The following ASCC2 variants were observed in gnomAD, a reference collection of about 807,000 sequenced individuals.
ASCC2 encodes activating signal cointegrator 1 complex subunit 2.
ASCC2 carries 42 observed loss-of-function variants against 93.5 expected under a neutral mutation model. That is an observed-to-expected ratio of 0.45 (90% CI 0.35 to 0.58). ASCC2 has a LOEUF of 0.58. Ranked by LOEUF, ASCC2 falls within the 20% of genes least tolerant of loss-of-function variation. The pLI is 0.00. For missense variants in ASCC2, 859 were observed against 977.6 expected (o/e 0.88, Z 1.62); for synonymous variants, 364 against 384.2 (o/e 0.95, Z 0.62).
intron 2 of ASCC2, among the ~76,000 whole-genome samples, chr22:29,827,756 C>CAACACACACACA (rs1568952571): frequency 4.9e-4 from 34 of 69,618 alleles, no homozygotes; most frequent in African/African-American, 1.7e-3. Flanking sequence ...CTCATTCTCC[C>CAACACACACACA]GACACACACA....
At chr22:29,793,255 G>T (rs2057998666) in intron 17 of ASCC2, 105 bp downstream of exon 17, 3 of 1,506,166 alleles carry the variant, frequency 2.0e-6, no homozygotes, top group Non-Finnish European at 2.7e-6. Flanking sequence ...GGAGGACTGG[G>T]TTTGGGCCCT....
intron 2 of ASCC2, among the ~76,000 whole-genome samples, chr22:29,829,021 C>T (rs920224394): frequency 4.6e-5 from 7 of 151,860 alleles, no homozygotes; most frequent in African/African-American, 1.7e-4. Context: ...ATCAAAAATA[C>T]AAAACTTAGC....
intron 1 of ASCC2, chr22:29,834,489 C>T (rs1380222682): frequency 2.1e-6 from 1 of 470,930 alleles, no homozygotes; most frequent in East Asian, 6.9e-5. Context: ...TCCTTGACAC[C>T]TGTTCCAGCT....
At chr22:29,799,592 C>T (rs1179758683) in intron 15 of ASCC2, among the ~76,000 whole-genome samples, 1 of 152,210 alleles carries the variant, frequency 6.6e-6, no homozygotes, top group Non-Finnish European at 1.5e-5. Flanking sequence ...CTGAACCTCA[C>T]GGTCCCCATT....
chr22:29,790,510 C>G lies in ASCC2; in HGVS notation c.2061G>C (p.Glu687Asp). 6.2e-7 allele frequency: 1 copy of G among 1,614,172 alleles called. No homozygotes were observed. Among genetic ancestry groups the G allele is most frequent in the Non-Finnish European group, 8.5e-7 (1 of 1,180,032 alleles). ...AGGCCATGCGCCTGGCTTCTGCCTT[C>G]TCTCTCAGCACTGCAGGGTCCTGAA... is the stretch of plus-strand genomic sequence containing the variant. The part of the protein sequence containing the change: ...HFVQDPAVLR[E>D]KAEARRMAFL... Residue 687 changes from glutamate to aspartate, a missense_variant, in exon 19 of 20, where the codon GAG becomes GAC. Glu to Asp is a conservative substitution (Grantham distance 45). Transcript: ENST00000307790.
intron 2 of ASCC2, chr22:29,826,035 C>T: frequency 2.6e-6 from 1 of 388,204 alleles, no homozygotes; most frequent in South Asian, 5.3e-5. Flanking sequence ...AAGCAGGATA[C>T]AAAACTCTCT....
intron 15 of ASCC2, among the ~76,000 whole-genome samples, chr22:29,794,267 G>T (rs2058143660): frequency 6.6e-6 from 1 of 151,878 alleles, no homozygotes. Context: ...GCCGAGGCGG[G>T]TGGATCACAA....
intron 2 of ASCC2, 112 bp downstream of exon 2, chr22:29,832,133 G>A (rs757432408): frequency 5.6e-4 from 513 of 910,674 alleles, no homozygotes; most frequent in Non-Finnish European, 7.8e-4. Context: ...CTGAATCACC[G>A]ACCATGGCCC....
chr22:29,804,121 G>GA (rs2059407424), intron 13 of ASCC2, among the ~76,000 whole-genome samples: 1 of 152,226 alleles, frequency 6.6e-6, no homozygotes, highest in South Asian at 2.1e-4. Context: ...ACATGCAGGG[G>GA]AGAGTCCTGG....
chr22:29,813,806 A>G (rs2060539926), intron 7 of ASCC2, among the ~76,000 whole-genome samples: 1 of 152,200 alleles, frequency 6.6e-6, no homozygotes, highest in Non-Finnish European at 1.5e-5. Flanking sequence ...TTCCAGTTCT[A>G]AGATAATACA....
chr22:29,802,265 A>G, intron 13 of ASCC2, 57 bp from the exon 14 acceptor site: 2 of 1,559,838 alleles, frequency 1.3e-6, no homozygotes, highest in Non-Finnish European at 1.8e-6. Flanking sequence ...TGATAGGGCC[A>G]CAGGCCCCAG....
intron 15 of ASCC2, among the ~76,000 whole-genome samples, chr22:29,796,324 C>T (rs532882275): frequency 4.6e-5 from 7 of 152,002 alleles, no homozygotes; most frequent in African/African-American, 1.2e-4. Flanking sequence ...TTCTCTGTGC[C>T]GGGCAGGGTA....
At position 29,821,126 on chromosome 22, in the gene ASCC2, G is replaced by A. The variant is rs942036189; in HGVS notation, c.541+1209C>T. Among the ~76,000 whole-genome samples the A allele has an allele frequency of 1.9e-4, 29 of 152,196 alleles. 3 individuals carry two copies. The highest frequency in any genetic ancestry group is 1.6e-3 in the Admixed American group (25 of 15,290). ...TTCACTGGGGCGCTCCCTCTGTAAC[G>A]TCCCACAGTGCTTCTGTTTCTCTTT... On this transcript the variant is annotated intron_variant, in intron 5 of 19. Transcript: ENST00000307790.
At chr22:29,824,432 T>C (rs548514464) in intron 4 of ASCC2, among the ~76,000 whole-genome samples, 1 of 152,094 alleles carries the variant, frequency 6.6e-6, no homozygotes, top group East Asian at 1.9e-4. Flanking sequence ...CTGAGAAACA[T>C]AGCGAGACCT....
chr22:29,823,004 G>A lies in ASCC2; in HGVS notation c.412-540C>T, dbSNP rs534130596. On this transcript the variant is annotated intron_variant, in intron 4 of 19. Transcript: ENST00000307790. ...CAAAGTGCTGGGATTACAGGTGTAA[G>A]CCACAGTGCCCAGCCTCCCCTTTAA... Among the ~76,000 whole-genome samples, 91 of 151,346 alleles carry A rather than the reference G, an allele frequency of 6.0e-4. 1 individual carries two copies. Among genetic ancestry groups the A allele is most frequent in the African/African-American group, 2.1e-3 (85 of 41,220 alleles).
chr22:29,788,644 T>G lies in ASCC2; in HGVS notation c.*369A>C. 3 of 246,056 alleles carry G rather than the reference T, an allele frequency of 1.2e-5. No homozygotes were observed. The highest frequency in any genetic ancestry group is 2.4e-5 in the Non-Finnish European group (3 of 125,266). The allele number at this position is 246,056 out of a possible 1,614,324, so 15.2% of individuals were successfully genotyped here. A position where few individuals can be genotyped will look rare whatever the true frequency, so the allele number is the denominator to read the frequency against. The stretch of plus-strand genomic sequence containing the variant: ...GGTCAAAAATTTTATTAGCAGGACT[T>G]TTTGTGTTTTTGAATATACAGGTTT... On this transcript the variant is annotated 3_prime_UTR_variant, in exon 20 of 20. Transcript: ENST00000307790.
intron 8 of ASCC2, among the ~76,000 whole-genome samples, chr22:29,811,567 G>C (rs2060281746): frequency 6.6e-6 from 1 of 152,244 alleles, no homozygotes; most frequent in African/African-American, 2.4e-5. Context: ...AACTGAGGTG[G>C]CTGTATTTGC....
chr22:29,829,041 T>C (rs1047934395), intron 2 of ASCC2, among the ~76,000 whole-genome samples: 2 of 151,894 alleles, frequency 1.3e-5, no homozygotes, highest in Non-Finnish European at 1.5e-5. Flanking sequence ...CCAGGTGTAG[T>C]GGCACGCACC....
rs200152812 is a variant in ASCC2 at position 29,832,242 on chromosome 22, C to T, written c.81+3G>A. 16 of 1,612,042 alleles carry T rather than the reference C, an allele frequency of 9.9e-6. No homozygotes were observed. In the African/African-American group the frequency reaches 2.1e-4, roughly 21 times the overall value. On this transcript the variant is annotated splice_donor_region_variant and intron_variant, in intron 2 of 19. Coordinates refer to ENST00000307790, the MANE Select transcript of ASCC2 (RefSeq NM_032204.5). ...GCTGAATGGCCTTAAGTGACCGGCT[C>T]ACCAGCGCTGGTGAAGTCCTCAGCT... is the stretch of plus-strand genomic sequence containing the variant.
Sources: gnomAD v4.1 joint callset for allele counts (sites outside exome capture counted in the v4.1 genomes callset) on GRCh38, gnomAD v4.1.1 for gene constraint, MANE v1.5 for transcripts, NCBI Gene and HGNC (gene_info 2026-07-23, HGNC 2026-07-21) for gene names.